The following TAF4B variants were observed in gnomAD, a reference collection of about 807,000 sequenced individuals.
TAF4B encodes transcription initiation factor TFIID subunit 4B.
Under a neutral mutation model 86.4 loss-of-function variants are expected in TAF4B, and 38 were observed. The observed-to-expected ratio is 0.44, with a 90% CI of 0.34 to 0.58. TAF4B has a LOEUF of 0.58. Among genes scored for constraint, TAF4B ranks in the 20% least tolerant of loss-of-function variants. TAF4B has a pLI of 0.02. For missense variants in TAF4B, 988 were observed against 1,027.6 expected (o/e 0.96, Z 0.53); for synonymous variants, 388 against 391.2 (o/e 0.99, Z 0.10).
intron 13 of TAF4B, among the ~76,000 whole-genome samples, chr18:26,343,477 T>C (rs563842669): frequency 1.8e-4 from 28 of 152,288 alleles, no homozygotes; most frequent in Non-Finnish European, 4.4e-5. Context: ...CCAAATAACA[T>C]TGCAAAAGCT....
intron 10 of TAF4B, among the ~76,000 whole-genome samples, chr18:26,317,727 C>T (rs753820639): frequency 6.6e-6 from 1 of 152,196 alleles, no homozygotes; most frequent in African/African-American, 2.4e-5. Flanking sequence ...AGACAGCCAT[C>T]TTCTTGCTGT....
At chr18:26,282,344 T>A (rs1300066873) in intron 6 of TAF4B, among the ~76,000 whole-genome samples, 1 of 152,178 alleles carries the variant, frequency 6.6e-6, no homozygotes, top group East Asian at 1.9e-4. Flanking sequence ...GTACTGCAGG[T>A]TTGGTTTCAG....
At chr18:26,333,193 TTATA>T in intron 12 of TAF4B, among the ~76,000 whole-genome samples, 1 of 151,038 alleles carries the variant, frequency 6.6e-6, no homozygotes, top group South Asian at 2.1e-4. Flanking sequence ...AATTTTTAAA[TTATA>T]TATATTTTAT....
chr18:26,229,908 A>G (rs1170821877), intron 1 of TAF4B, among the ~76,000 whole-genome samples: 1 of 151,906 alleles, frequency 6.6e-6, no homozygotes, highest in Non-Finnish European at 1.5e-5. Context: ...TACTTTAAGT[A>G]TTTGATTCTC....
intron 6 of TAF4B, 47 bp from the exon 7 acceptor site, chr18:26,285,835 T>G (rs1411797576): frequency 1.3e-6 from 2 of 1,558,424 alleles, no homozygotes; most frequent in African/African-American, 1.4e-5. Context: ...GTTTCACAAG[T>G]AGCTGATTTG....
chr18:26,317,708 C>T (rs187361788), intron 10 of TAF4B, among the ~76,000 whole-genome samples: 3 of 152,314 alleles, frequency 2.0e-5, no homozygotes, highest in Admixed American at 2.0e-4. Flanking sequence ...GGCCTTCTTT[C>T]TGGTATTCAG....
At chr18:26,280,422 A>G (rs1469369811) in intron 5 of TAF4B, among the ~76,000 whole-genome samples, 1 of 152,232 alleles carries the variant, frequency 6.6e-6, no homozygotes, top group South Asian at 2.1e-4. Context: ...ATATCTGACA[A>G]AGGTCTAATA....
intron 13 of TAF4B, among the ~76,000 whole-genome samples, chr18:26,342,825 TCC>T (rs2057146754): frequency 6.6e-6 from 1 of 152,200 alleles, no homozygotes; most frequent in Non-Finnish European, 1.5e-5. Context: ...AAAGAGAACC[TCC>T]CAAACCTGTT....
intron 1 of TAF4B, among the ~76,000 whole-genome samples, chr18:26,244,389 A>G (rs1161253611): frequency 6.6e-6 from 1 of 152,204 alleles, no homozygotes; most frequent in East Asian, 1.9e-4. Context: ...CGCGTGATAT[A>G]ATCTCCTTGT....
chr18:26,350,995 C>CTG (rs1288495402), intron 13 of TAF4B, among the ~76,000 whole-genome samples: 1 of 152,158 alleles, frequency 6.6e-6, no homozygotes, highest in Non-Finnish European at 1.5e-5. Context: ...AATAGAACTA[C>CTG]TGTATGATCC....
intron 1 of TAF4B, among the ~76,000 whole-genome samples, chr18:26,228,940 A>T (rs2055620870): frequency 6.6e-6 from 1 of 151,948 alleles, no homozygotes; most frequent in South Asian, 2.1e-4. Flanking sequence ...ATAAGGAAAG[A>T]GGTCTCTAAG....
At chr18:26,250,640 A>G (rs1471257662) in intron 1 of TAF4B, among the ~76,000 whole-genome samples, 3 of 152,192 alleles carry the variant, frequency 2.0e-5, no homozygotes, top group Non-Finnish European at 4.4e-5. Flanking sequence ...AGTGCTAACT[A>G]TATCCTGGAT....
At chr18:26,380,797 A>ATT (rs1380117880) in intron 14 of TAF4B, among the ~76,000 whole-genome samples, 52 of 143,850 alleles carry the variant, frequency 3.6e-4, no homozygotes, top group African/African-American at 1.2e-3. Flanking sequence ...TTGAGTTTTG[A>ATT]TTTTTTTTTT....
At chr18:26,295,816 A>C (rs1160391176) in intron 9 of TAF4B, among the ~76,000 whole-genome samples, 1 of 152,126 alleles carries the variant, frequency 6.6e-6, no homozygotes, top group Admixed American at 6.5e-5. Flanking sequence ...TGTCTGAAGA[A>C]CTTCAGGATT....
intron 3 of TAF4B, among the ~76,000 whole-genome samples, chr18:26,274,416 C>G (rs2056357689): frequency 6.6e-6 from 1 of 152,074 alleles, no homozygotes; most frequent in South Asian, 2.1e-4. Flanking sequence ...TCAGGATTAG[C>G]AAGATTAAGT....
intron 1 of TAF4B, among the ~76,000 whole-genome samples, chr18:26,245,669 T>G (rs1413914533): frequency 6.6e-6 from 1 of 152,210 alleles, no homozygotes; most frequent in Non-Finnish European, 1.5e-5. Flanking sequence ...AGAATGCTCT[T>G]GCTGTCTGCA....
In TAF4B at chr18:26,227,258, A is replaced by G; in HGVS notation, c.325A>G (p.Asn109Asp). ...PNTTTIQFPA[N>D]LQLPPGTVLI... ...CACCACGACAATCCAGTTTCCTGCT[A>G]ATTTGCAGCTTCCTCCAGGTATGTT... Residue 109 changes from asparagine (N) to aspartate (D), a missense_variant, in exon 1 of 15, where the codon AAT becomes GAT. This residue lies in a region of TAF4B where 747 missense variants were observed against 737.9 expected (regional missense o/e 1.01). Transcript: ENST00000269142. 4.3e-6 allele frequency: 7 copies of G among 1,612,842 alleles called. No individual in the cohort carries two copies. The highest frequency in any genetic ancestry group is 5.9e-6 in the Non-Finnish European group (7 of 1,179,476).
At chr18:26,294,948 C>T (rs2056643475) in intron 9 of TAF4B, among the ~76,000 whole-genome samples, 1 of 150,176 alleles carries the variant, frequency 6.7e-6, no homozygotes, top group South Asian at 2.1e-4. Context: ...AATTAATGAA[C>T]TGGAATTCAG....
At chr18:26,285,222 G>GTTTTTTTTTTTGTTTTTTTTTTTTTTTTT (rs1555677501) in intron 6 of TAF4B, among the ~76,000 whole-genome samples, 2 of 45,660 alleles carry the variant, frequency 4.4e-5, no homozygotes, top group African/African-American at 6.3e-5. Context: ...TTTTTTTTTT[G>GTTTTTTTTTTTGTTTTTTTTTTTTTTTTT]TTTTTTTTTT....
Sources: allele counts gnomAD v4.1 joint callset (sites outside exome capture counted in the v4.1 genomes callset), GRCh38; gene constraint gnomAD v4.1.1; regional missense constraint gnomAD v4.1.1; transcripts MANE v1.5; gene names NCBI Gene and HGNC (gene_info 2026-07-23, HGNC 2026-07-21).